The following GNAQ variants were observed in gnomAD, a reference collection of about 807,000 sequenced individuals.
GNAQ encodes guanine nucleotide-binding protein G(q) subunit alpha.
Under a neutral mutation model 43.9 loss-of-function variants are expected in GNAQ, and 8 were observed. That is an observed-to-expected ratio of 0.18 (90% CI 0.11 to 0.33). GNAQ has a LOEUF of 0.33. Ranked by LOEUF, GNAQ falls within the 10% of genes least tolerant of loss-of-function variation. GNAQ has a pLI of 1.00. For missense variants in GNAQ, 158 were observed against 450.8 expected (o/e 0.35, Z 5.88); for synonymous variants, 155 against 170.7 (o/e 0.91, Z 0.71).
intron 1 of GNAQ, among the ~76,000 whole-genome samples, chr9:78,003,055 C>T (rs1174229917): frequency 3.3e-5 from 5 of 152,004 alleles, no homozygotes; most frequent in South Asian, 2.1e-4. Flanking sequence ...ATTTGGAAAA[C>T]GGTATTCAAA....
At chr9:77,994,567 T>C (rs537520306) in intron 1 of GNAQ, among the ~76,000 whole-genome samples, 4 of 152,288 alleles carry the variant, frequency 2.6e-5, no homozygotes, top group African/African-American at 9.6e-5. Flanking sequence ...TAATTTAACT[T>C]TCATCAACTC....
chr9:77,898,233 A>G (rs1199860177), intron 2 of GNAQ, among the ~76,000 whole-genome samples: 2 of 152,198 alleles, frequency 1.3e-5, no homozygotes, highest in East Asian at 1.9e-4. Flanking sequence ...AAGGCACAAT[A>G]TATTACCAGC....
chr9:78,018,804 A>G (rs1823870056), intron 1 of GNAQ, among the ~76,000 whole-genome samples: 1 of 152,240 alleles, frequency 6.6e-6, no homozygotes, highest in African/African-American at 2.4e-5. Flanking sequence ...TTAAGGATAC[A>G]TTATAGTATA....
At chr9:77,759,902 C>T (rs1825964527) in intron 5 of GNAQ, among the ~76,000 whole-genome samples, 1 of 149,928 alleles carries the variant, frequency 6.7e-6, no homozygotes, top group Admixed American at 6.6e-5. Context: ...TTTTTTCTTT[C>T]TTTCTTTTTT....
Position 77,863,177 on chromosome 9 carries a change from A to AG in GNAQ, c.322-47408dup, listed in dbSNP as rs1353254387. 6.5e-3 allele frequency among the ~76,000 whole-genome samples: 957 copies of AG among 147,730 alleles called. 5 individuals are homozygous for AG. Among genetic ancestry groups the AG allele is most frequent in the Admixed American group, 8.2e-3 (120 of 14,696 alleles). ...CAACAAGAATGAAACTCCGTATGAA[A>AG]GAAAGGAAGGAAGGAAGGAAGGAAG... is the stretch of plus-strand genomic sequence containing the variant. On this transcript the variant is annotated intron_variant, in intron 2 of 6. Transcript: ENST00000286548.
chr9:77,813,397 C>T (rs1826959035), intron 3 of GNAQ, among the ~76,000 whole-genome samples: 1 of 152,158 alleles, frequency 6.6e-6, no homozygotes, highest in Admixed American at 6.5e-5. Flanking sequence ...CCTGCACTGA[C>T]AGAACTCTAA....
At chr9:77,843,742 T>C (rs541462359) in intron 2 of GNAQ, among the ~76,000 whole-genome samples, 1 of 152,204 alleles carries the variant, frequency 6.6e-6, no homozygotes, top group African/African-American at 2.4e-5. Context: ...CACACAAACA[T>C]GGGGATGTAA....
chr9:77,833,141 A>AT (rs926115267), intron 2 of GNAQ, among the ~76,000 whole-genome samples: 4 of 151,648 alleles, frequency 2.6e-5, no homozygotes, highest in Admixed American at 6.6e-5. Flanking sequence ...TAATTTTTGT[A>AT]TTTTTTTGTA....
chr9:77,790,935 G>A (rs1014379784), intron 5 of GNAQ, among the ~76,000 whole-genome samples: 3 of 152,144 alleles, frequency 2.0e-5, no homozygotes, highest in Non-Finnish European at 4.4e-5. Context: ...AAAGTGCTAA[G>A]GTATTATAAA....
chr9:77,912,420 T>C (rs183862119), intron 2 of GNAQ, among the ~76,000 whole-genome samples: 1 of 152,192 alleles, frequency 6.6e-6, no homozygotes, highest in African/African-American at 2.4e-5. Flanking sequence ...ATTTTAGATC[T>C]GAATGTAAAA....
intron 5 of GNAQ, among the ~76,000 whole-genome samples, chr9:77,788,062 C>T (rs1468274272): frequency 1.3e-5 from 2 of 151,974 alleles, no homozygotes; most frequent in Admixed American, 1.3e-4. Flanking sequence ...ACAAAACACA[C>T]CCAAAACCCT....
At chr9:77,993,034 C>T (rs553168976) in intron 1 of GNAQ, among the ~76,000 whole-genome samples, 1 of 152,286 alleles carries the variant, frequency 6.6e-6, no homozygotes, top group African/African-American at 2.4e-5. Flanking sequence ...CTATCCTCTA[C>T]AAAACACATT....
chr9:77,844,517 A>G (rs1297581145), intron 2 of GNAQ, among the ~76,000 whole-genome samples: 6 of 152,236 alleles, frequency 3.9e-5, no homozygotes, highest in Non-Finnish European at 7.3e-5. Flanking sequence ...CCAGCTGCTA[A>G]GTATAAGATG....
intron 1 of GNAQ, among the ~76,000 whole-genome samples, chr9:77,963,136 G>A (rs2118428021): frequency 6.6e-6 from 1 of 152,236 alleles, no homozygotes; most frequent in Admixed American, 6.5e-5. Context: ...TCACGTGGAA[G>A]AACGGTGAAA....
intron 5 of GNAQ, among the ~76,000 whole-genome samples, chr9:77,782,039 T>C (rs1826401883): frequency 6.6e-6 from 1 of 151,852 alleles, no homozygotes; most frequent in African/African-American, 2.4e-5. Context: ...GAAAAGGAAA[T>C]AAAAGGTACA....
At chr9:77,890,196 T>C (rs925387979) in intron 2 of GNAQ, among the ~76,000 whole-genome samples, 23 of 152,166 alleles carry the variant, frequency 1.5e-4, no homozygotes, top group Non-Finnish European at 7.4e-5. Context: ...TATCTTTGTA[T>C]TGGTTATTTG....
At chr9:77,769,245 TA>T (rs1826181430) in intron 5 of GNAQ, among the ~76,000 whole-genome samples, 1 of 151,828 alleles carries the variant, frequency 6.6e-6, no homozygotes, top group East Asian at 1.9e-4. Flanking sequence ...TACCAAAACA[TA>T]AAAATATTAG....
At chr9:77,833,256 C>G (rs532952520) in intron 2 of GNAQ, among the ~76,000 whole-genome samples, 1 of 152,204 alleles carries the variant, frequency 6.6e-6, no homozygotes, top group Non-Finnish European at 1.5e-5. Context: ...GCGTGAGCCA[C>G]CCCGCACCTG....
Position 77,720,735 on chromosome 9 carries a change from T to C in GNAQ, c.*588A>G, listed in dbSNP as rs1587881759. The C allele has an allele frequency of 4.3e-6, 1 of 233,494 alleles. No individual in the cohort carries two copies. The highest frequency in any genetic ancestry group is 1.3e-3 in the Middle Eastern group (1 of 782). 14.5% of individuals were successfully genotyped at this position (233,494 alleles called of 1,614,324 possible). A position where few individuals can be genotyped will look rare whatever the true frequency, so the allele number is the denominator to read the frequency against. ...CAGTATATTCTATTAAAAAAGAAAC[T>C]ATGTGTGTATCCAAAGCAACACATT... is the stretch of plus-strand genomic sequence containing the variant. On this transcript the variant is annotated 3_prime_UTR_variant, in exon 7 of 7. Transcript: ENST00000286548.
Sources: allele counts gnomAD v4.1 joint callset (sites outside exome capture counted in the v4.1 genomes callset), GRCh38; gene constraint gnomAD v4.1.1; transcripts MANE v1.5; gene names NCBI Gene and HGNC (gene_info 2026-07-23, HGNC 2026-07-21).